The following BCL7C variants were observed in gnomAD, a reference collection of about 807,000 sequenced individuals.
BCL7C encodes BAF chromatin remodeling complex subunit BCL7C.
Under a neutral mutation model 26.2 loss-of-function variants are expected in BCL7C, and 8 were observed. The ratio of observed to expected loss-of-function variants is 0.30; its 90% CI spans 0.18 to 0.55. The LOEUF (loss-of-function observed/expected upper bound fraction) is 0.55. Ranked by LOEUF, BCL7C falls within the 20% of genes least tolerant of loss-of-function variation. The pLI is 0.93. For synonymous variants in BCL7C, 90 were observed against 116.5 expected (o/e 0.77, Z 1.47); for missense variants, 262 against 298.5 (o/e 0.88, Z 0.90).
At chr16:30,839,666 G>C (rs1015645502) in intron 5 of BCL7C, among the ~76,000 whole-genome samples, 1 of 152,192 alleles carries the variant, frequency 6.6e-6, no homozygotes, top group African/African-American at 2.4e-5. Flanking sequence ...ATCCAGCAAG[G>C]AGCTGACTTT....
chr16:30,840,073 GACTT>G (rs934475900), intron 5 of BCL7C, among the ~76,000 whole-genome samples: 12 of 152,002 alleles, frequency 7.9e-5, no homozygotes, highest in African/African-American at 1.9e-4. Flanking sequence ...CCCACCTCCT[GACTT>G]ACTTAGGAAG....
In BCL7C at chr16:30,893,687, C is replaced by T. The variant is rs1169115365; in HGVS notation, c.92+166G>A. ...CTGGGGATCACGCTTTGTAGACCCC[C>T]AGGAGTAGCCAGGCGAACGGGGACA... On this transcript the variant is annotated intron_variant, in intron 1 of 5. Coordinates refer to ENST00000215115, the MANE Select transcript of BCL7C (RefSeq NM_004765.4). The surrounding 1 kb of genome is among the most constrained non-coding windows in gnomAD (Gnocchi z 5.2). Among the ~76,000 whole-genome samples, 1 of 152,096 alleles carries T rather than the reference C, an allele frequency of 6.6e-6. No homozygotes were observed. The highest frequency in any genetic ancestry group is 1.5e-5 in the Non-Finnish European group (1 of 67,988).
chr16:30,872,961 T>C (rs972669915), intron 5 of BCL7C, among the ~76,000 whole-genome samples: 4 of 152,222 alleles, frequency 2.6e-5, no homozygotes, highest in African/African-American at 9.6e-5. Context: ...GACAATCCAG[T>C]GTTTGCCAAA....
chr16:30,849,289 T>C (rs1407216545), intron 5 of BCL7C, among the ~76,000 whole-genome samples: 5 of 152,170 alleles, frequency 3.3e-5, no homozygotes, highest in Non-Finnish European at 7.3e-5. Flanking sequence ...TTGCTTCATG[T>C]ATTTTGGGGC....
intron 4 of BCL7C, among the ~76,000 whole-genome samples, chr16:30,889,215 G>T (rs1280940982): frequency 2.0e-5 from 3 of 152,194 alleles, no homozygotes; most frequent in African/African-American, 7.2e-5. Flanking sequence ...GGCTTGGACT[G>T]CCTGGGTTCA....
intron 5 of BCL7C, among the ~76,000 whole-genome samples, chr16:30,859,704 C>A (rs1263990112): frequency 6.6e-6 from 1 of 152,148 alleles, no homozygotes; most frequent in Non-Finnish European, 1.5e-5. Flanking sequence ...ATTCTCCCTG[C>A]CCTTGAGAAT....
chr16:30,886,913 C>T (rs941029363), downstream of BCL7C, among the ~76,000 whole-genome samples: 2 of 152,194 alleles, frequency 1.3e-5, no homozygotes, highest in African/African-American at 4.8e-5. Context: ...TGGCTCACGC[C>T]TGTAATCCCA....
rs558590023 is a variant in BCL7C at position 30,891,888 on chromosome 16, C to T, written c.442+698G>A. ...CTGGGGCCAGAGGATCCCTTGAGCC[C>T]AGGAGTTTGAGGCTGCAGTGAGCTA... On this transcript the variant is annotated intron_variant, in intron 4 of 5. Coordinates refer to ENST00000215115, the MANE Select transcript of BCL7C (RefSeq NM_004765.4). 8.7e-4 allele frequency among the ~76,000 whole-genome samples: 131 copies of T among 150,976 alleles called. 1 individual carries two copies. The highest frequency in any genetic ancestry group is 3.1e-3 in the African/African-American group (129 of 41,026).
intron 5 of BCL7C, among the ~76,000 whole-genome samples, chr16:30,851,002 T>C (rs2054670356): frequency 1.3e-5 from 2 of 152,222 alleles, no homozygotes; most frequent in Non-Finnish European, 2.9e-5. Context: ...ACATATTTAT[T>C]AATCAAAATA....
chr16:30,882,438 C>T lies in BCL7C; in HGVS notation c.528+6422G>A, dbSNP rs566895234. ...CAACAGCCACCACTTCACGACATAG[C>T]AGAGGAGGGGTCAGGGGCTGAGGGA... On this transcript the variant is annotated intron_variant, in intron 5 of 5. Transcript: ENST00000380317. Among the ~76,000 whole-genome samples the T allele has an allele frequency of 5.9e-5, 9 of 152,244 alleles. No individual in the cohort carries two copies. The South Asian group carries it at 1.9e-3, about 32-fold the overall frequency.
intron 5 of BCL7C, among the ~76,000 whole-genome samples, chr16:30,850,209 CAAAA>C (rs778231654): frequency 2.3e-5 from 2 of 86,564 alleles, no homozygotes; most frequent in Non-Finnish European, 2.3e-5. Flanking sequence ...GACTCCATCT[CAAAA>C]AAAAAAAAAA....
downstream of BCL7C, among the ~76,000 whole-genome samples, chr16:30,885,112 TG>T (rs2055111358): frequency 6.6e-6 from 1 of 152,180 alleles, no homozygotes; most frequent in South Asian, 2.1e-4. Context: ...ATATGGCACA[TG>T]GGCTTTTGCA....
At chr16:30,869,384 T>C (rs900303221) in intron 5 of BCL7C, among the ~76,000 whole-genome samples, 3 of 151,940 alleles carry the variant, frequency 2.0e-5, no homozygotes, top group African/African-American at 7.3e-5. Context: ...CATTTTTTTT[T>C]ACTTTTTGTA....
intron 4 of BCL7C, among the ~76,000 whole-genome samples, chr16:30,890,909 C>T (rs938740253): frequency 7.2e-5 from 11 of 151,792 alleles, no homozygotes; most frequent in South Asian, 4.2e-4. Context: ...CGCTTGAACC[C>T]GGGAGGCAGA....
chr16:30,867,936 G>C (rs904655854), intron 5 of BCL7C, among the ~76,000 whole-genome samples: 8 of 152,072 alleles, frequency 5.3e-5, no homozygotes, highest in African/African-American at 1.9e-4. Context: ...AAGAGAGAGT[G>C]AAACAGACTG....
chr16:30,848,400 A>T (rs1365819688), intron 5 of BCL7C, among the ~76,000 whole-genome samples: 1 of 152,158 alleles, frequency 6.6e-6, no homozygotes, highest in East Asian at 1.9e-4. Flanking sequence ...TGGGATATGA[A>T]GGGACCCTGA....
rs148511110 is a variant in BCL7C at position 30,853,307 on chromosome 16, T to TACACAC, written c.529-18165_529-18160dup. ...TTTTTGTTAAAAACTAAGACACACA[T>TACACAC]ACACACACACACACCAGCCTAGGCC... On this transcript the variant is annotated intron_variant, in intron 5 of 5. Transcript: ENST00000380317. 1.3e-4 allele frequency among the ~76,000 whole-genome samples: 20 copies of TACACAC among 151,730 alleles called. No individual in the cohort carries two copies. In the South Asian group the frequency reaches 2.7e-3, roughly 21 times the overall value.
chr16:30,891,491 A>G (rs1428900062), intron 4 of BCL7C, among the ~76,000 whole-genome samples: 3 of 152,132 alleles, frequency 2.0e-5, no homozygotes, highest in Non-Finnish European at 4.4e-5. Context: ...AAAAAACCCA[A>G]CCACGTAAAG....
chr16:30,852,443 G>A (rs2054683565), intron 5 of BCL7C: 1 of 151,026 alleles, frequency 6.6e-6, no homozygotes, highest in African/African-American at 2.4e-5. Context: ...AAAATCAAAT[G>A]GCAAATTTCA....
Sources: allele counts gnomAD v4.1 joint callset (sites outside exome capture counted in the v4.1 genomes callset), GRCh38; gene constraint gnomAD v4.1.1; non-coding constraint Gnocchi (gnomAD v3.1); transcripts MANE v1.5; gene names NCBI Gene and HGNC (gene_info 2026-07-23, HGNC 2026-07-21).